The following CASC3 variants were observed in gnomAD, a reference collection of about 807,000 sequenced individuals.
CASC3 encodes CASC3 exon junction complex subunit.
CASC3 carries 30 observed loss-of-function variants against 80.5 expected under a neutral mutation model. That is an observed-to-expected ratio of 0.37 (90% confidence interval 0.28 to 0.51). The LOEUF (loss-of-function observed/expected upper bound fraction) is 0.51, where lower values mean the gene tolerates loss of function less well. CASC3 is among the 20% of genes least tolerant of loss of function. CASC3 has a pLI of 0.94. For synonymous variants in CASC3, 312 were observed against 333.6 expected (o/e 0.94, Z 0.70); for missense variants, 824 against 922.2 (o/e 0.89, Z 1.38).
chr17:40,162,850 G>A lies in CASC3; in HGVS notation c.734G>A (p.Arg245His), dbSNP rs183006262. ...ELIALYGYDIRSAHNPDDIKP... is the reference protein window; with the variant it reads ...ELIALYGYDIHSAHNPDDIKP... ...ATTGCTCTTTATGGTTATGACATTC[G>A]CTCAGCTCATAATCCTGATGACATC... The change falls in exon 6 of 14, where the codon CGC becomes CAC. Residue 245 changes from arginine (R) to histidine (H), a missense_variant. Arg to His is a conservative substitution (Grantham distance 29). Transcript: ENST00000264645. The A allele has an allele frequency of 2.5e-6, 4 of 1,613,974 alleles. No homozygotes were observed. The highest frequency in any genetic ancestry group is 1.7e-5 in the Admixed American group (1 of 59,990).
chr17:40,169,282 T>C (rs1989530522), intron 11 of CASC3, 42 bp from the exon 12 acceptor site: 1 of 1,485,908 alleles, frequency 6.7e-7, no homozygotes, highest in African/African-American at 1.4e-5. Flanking sequence ...GTTGGATGAA[T>C]TCATTCCTAA....
At chr17:40,148,806 C>T (rs1483408961) in intron 3 of CASC3, among the ~76,000 whole-genome samples, 2 of 152,184 alleles carry the variant, frequency 1.3e-5, no homozygotes, top group Non-Finnish European at 1.5e-5. Context: ...TATACAGGTC[C>T]TACAGCTGTT....
At position 40,167,842 on chromosome 17, in the gene CASC3, T is replaced by C; in HGVS notation, c.1652-8T>C. ...GGTTTATGAGAGTCCCAATGTGATA[T>C]CTTACAGTGCAGTTCCAGGGACCAA... On this transcript the variant is annotated splice_region_variant and splice_polypyrimidine_tract_variant and intron_variant, in intron 9 of 13. Transcript: ENST00000264645. 1 of 1,610,998 alleles carries C rather than the reference T, an allele frequency of 6.2e-7. No homozygotes were observed.
chr17:40,168,586 G>GTAA (rs1289497734), intron 11 of CASC3, 169 bp downstream of exon 11: 20 of 631,538 alleles, frequency 3.2e-5, no homozygotes, highest in Non-Finnish European at 5.0e-5. Flanking sequence ...TGCAGCTTAT[G>GTAA]TAATGCCCAT....
chr17:40,142,191 T>A (rs1988735506), intron 3 of CASC3, among the ~76,000 whole-genome samples: 1 of 152,214 alleles, frequency 6.6e-6, no homozygotes, highest in Non-Finnish European at 1.5e-5. Context: ...GATCAAAGAT[T>A]TTGTCTATAC....
intron 3 of CASC3, among the ~76,000 whole-genome samples, chr17:40,160,548 A>T (rs1157960865): frequency 1.3e-5 from 2 of 152,036 alleles, no homozygotes; most frequent in Admixed American, 6.6e-5. Context: ...AGGAAGATTA[A>T]GCTCCTCTTA....
rs746416662 is a variant in CASC3 at position 40,168,430 on chromosome 17, A to C, written c.1965+13A>C. The stretch of plus-strand genomic sequence containing the variant: ...TCCTAATACACAGGTGAGATGGCTA[A>C]TGATCATGTTTTTCTAGATACACAT... On this transcript the variant is annotated intron_variant, in intron 11 of 13. Transcript: ENST00000264645. 3 of 1,606,372 alleles carry C rather than the reference A, an allele frequency of 1.9e-6. No homozygotes were observed. The Admixed American group carries it at 5.0e-5, about 27-fold the overall frequency.
At chr17:40,154,623 G>T (rs1446809997) in intron 3 of CASC3, among the ~76,000 whole-genome samples, 2 of 151,328 alleles carry the variant, frequency 1.3e-5, no homozygotes, top group East Asian at 3.9e-4. Context: ...TTGCAAATAT[G>T]TGTTCCCTTT....
rs540407078 is a variant in CASC3, at chr17:40,152,904, G to A, written c.298-8849G>A. 2.0e-5 allele frequency among the ~76,000 whole-genome samples: 3 copies of A among 152,172 alleles called. No homozygotes were observed. In the South Asian group the frequency reaches 6.2e-4, roughly 31 times the overall value. ...CAATTCTTCTGCCTCAGCCTCCTGA[G>A]TAGTTGGGATTACAAGCGCCCACCA... On this transcript the variant is annotated intron_variant, in intron 3 of 13. Coordinates refer to ENST00000264645, the MANE Select transcript of CASC3 (RefSeq NM_007359.5).
chr17:40,168,472 G>C, intron 11 of CASC3, 55 bp downstream of exon 11: 1 of 1,505,330 alleles, frequency 6.6e-7, no homozygotes, highest in South Asian at 1.1e-5. Context: ...ATTCAGACAG[G>C]AATGTGGTAT....
intron 3 of CASC3, among the ~76,000 whole-genome samples, chr17:40,146,982 C>CA (rs1988878795): frequency 6.6e-6 from 1 of 152,160 alleles, no homozygotes; most frequent in African/African-American, 2.4e-5. Flanking sequence ...CGTCTGTAGT[C>CA]ACTAGAGAAT....
In CASC3 at chr17:40,171,064, A is replaced by G; in HGVS notation, c.*659A>G. The G allele has an allele frequency of 1.0e-6, 1 of 985,538 alleles. No individual in the cohort carries two copies. The allele number at this position is 985,538 out of a possible 1,614,324, so 61.0% of individuals were successfully genotyped here. ...GTATACTTGTATTCCCTTAACTCTAACCCTGTGGAAGCATGGCTGTCTGCA... is the reference window on the plus strand; with the variant it reads ...GTATACTTGTATTCCCTTAACTCTAGCCCTGTGGAAGCATGGCTGTCTGCA... On this transcript the variant is annotated 3_prime_UTR_variant, in exon 14 of 14. Transcript: ENST00000264645.
chr17:40,140,950 G>A, intron 1 of CASC3, 171 bp downstream of exon 1: 2 of 641,680 alleles, frequency 3.1e-6, no homozygotes, highest in East Asian at 2.9e-5. Flanking sequence ...GAGTTCCAAG[G>A]GAAGAAGAAG....
chr17:40,147,990 C>T (rs1373133009), intron 3 of CASC3, among the ~76,000 whole-genome samples: 1 of 152,116 alleles, frequency 6.6e-6, no homozygotes, highest in Non-Finnish European at 1.5e-5. Context: ...GTCTTTCTGG[C>T]ATGCTTTCAT....
chr17:40,166,307 C>T (rs1201735158), intron 7 of CASC3, among the ~76,000 whole-genome samples: 1 of 152,206 alleles, frequency 6.6e-6, no homozygotes, highest in East Asian at 1.9e-4. Context: ...ATCTCTAGAA[C>T]ATTCCTTTTT....
At chr17:40,162,702 C>T (rs1989333171) in intron 5 of CASC3, 23 bp from the exon 6 acceptor site, 5 of 1,610,744 alleles carry the variant, frequency 3.1e-6, no homozygotes, top group Non-Finnish European at 4.2e-6. Flanking sequence ...TGACCCAAGA[C>T]ACTTTTCCTT....
Position 40,167,487 on chromosome 17 carries a change from C to T in CASC3, c.1537-11C>T, listed in dbSNP as rs765617493. On this transcript the variant is annotated splice_polypyrimidine_tract_variant and intron_variant, in intron 8 of 13. Transcript: ENST00000264645. ...GAATTCTTATTGTTTAGGCCTCTTT[C>T]TTTGTCTCAGGGTGTCCAGGGTGGT... 12 of 1,607,270 alleles carry T rather than the reference C, an allele frequency of 7.5e-6. 1 individual carries two copies. In the Admixed American group the frequency reaches 1.7e-4, roughly 22 times the overall value.
At position 40,161,861 on chromosome 17, in the gene CASC3, C is replaced by T; in HGVS notation, c.406C>T (p.Pro136Ser). The T allele has an allele frequency of 6.2e-7, 1 of 1,614,060 alleles. No individual in the cohort carries two copies. Among genetic ancestry groups the T allele is most frequent in the South Asian group, 1.1e-5 (1 of 91,070 alleles). The change falls in exon 4 of 14, where the codon CCT (proline) becomes TCT (serine). Residue 136 changes from proline (P) to serine (S), a missense_variant. Around this residue, in one of 3 missense-constraint regions of CASC3, gnomAD observed 201 missense variants for 294.1 expected, o/e 0.68. Transcript: ENST00000264645. Reference protein sequence around the residue: ...STKEEKGEEKPDTKSTVTGER... With the variant: ...STKEEKGEEKSDTKSTVTGER... ...AAAAGAAGAGAAGGGAGAAGAAAAG[C>T]CTGACACCAAAAGCACTGTGACTGG...
chr17:40,165,744 A>G (rs1004839055), intron 7 of CASC3, among the ~76,000 whole-genome samples: 10 of 150,000 alleles, frequency 6.7e-5, no homozygotes, highest in African/African-American at 2.2e-4. Context: ...GTGTTTACAT[A>G]GATATAGTTT....
Sources: gnomAD v4.1 joint callset for allele counts (sites outside exome capture counted in the v4.1 genomes callset) on GRCh38, gnomAD v4.1.1 for gene constraint, gnomAD v4.1.1 regional missense constraint, MANE v1.5 for transcripts, NCBI Gene and HGNC (gene_info 2026-07-23, HGNC 2026-07-21) for gene names.